TMEM145: variants seen among roughly 807,000 people sequenced by gnomAD.
TMEM145 encodes transmembrane protein 145.
In TMEM145, 46 loss-of-function variants were observed where a neutral mutation model predicts 68.5. The observed-to-expected ratio is 0.67, with a 90% CI of 0.53 to 0.86. TMEM145 has a LOEUF of 0.86. Among genes scored for constraint, TMEM145 ranks in the 40% least tolerant of loss-of-function variants. TMEM145 has a pLI of 0.00. For synonymous variants in TMEM145, 255 were observed against 280.2 expected (o/e 0.91, Z 0.90); for missense variants, 570 against 645.8 (o/e 0.88, Z 1.27).
At position 42,314,837 on chromosome 19, in the gene TMEM145, C is replaced by T. The variant is rs1305641865; in HGVS notation, c.406C>T (p.Arg136Cys). 3.1e-6 allele frequency: 5 copies of T among 1,614,170 alleles called. No homozygotes were observed. The highest frequency in any genetic ancestry group is 1.1e-5 in the South Asian group (1 of 91,086). Residue 136 changes from arginine (R) to cysteine (C), a missense_variant, in exon 5 of 15, where the codon CGC (arginine) becomes TGC (cysteine). Coordinates refer to ENST00000301204, the MANE Select transcript of TMEM145 (RefSeq NM_173633.3). Reference sequence around the variant, plus strand: ...CCGCTACCTGAGCTGCTCCAGTGGCCGCAGCTTCCGCTCAGTGCGTGAACG... The same window carrying T: ...CCGCTACCTGAGCTGCTCCAGTGGCTGCAGCTTCCGCTCAGTGCGTGAACG... ...GTRYLSCSSG[R>C]SFRSGDGLQL...
At position 42,313,533 on chromosome 19, in the gene TMEM145, C is replaced by T; in HGVS notation, c.120+37C>T. The T allele has an allele frequency of 8.0e-7, 1 of 1,251,478 alleles. No homozygotes were observed. The highest frequency in any genetic ancestry group is 1.6e-5 in the African/African-American group (1 of 64,332). 77.5% of individuals were successfully genotyped at this position (1,251,478 alleles called of 1,614,324 possible). A position where few individuals can be genotyped will look rare whatever the true frequency, so the allele number is the denominator to read the frequency against. ...GAGCCCTCCTCTGCGGCCCGCCGGC[C>T]CCCGGGGGACGCAAGGGAGGCGAGG... On this transcript the variant is annotated intron_variant, in intron 1 of 14. Coordinates refer to ENST00000301204, the MANE Select transcript of TMEM145 (RefSeq NM_173633.3). This position sits in a 1 kb window ranked among gnomAD's most constrained non-coding sequence, Gnocchi z 5.1.
intron 11 of TMEM145, 129 bp from the exon 12 acceptor site, chr19:42,317,580 G>A (rs968185061): frequency 2.7e-4 from 205 of 765,252 alleles, no homozygotes; most frequent in Middle Eastern, 2.5e-3. Flanking sequence ...TTCTGTCTCC[G>A]TGCCTGGCTC....
At position 42,323,870 on chromosome 19, in the gene TMEM145, G is replaced by A; in HGVS notation, c.1401+81G>A. 5 of 1,218,220 alleles carry A rather than the reference G, an allele frequency of 4.1e-6. No homozygotes were observed. The South Asian group carries it at 4.2e-5, about 10-fold the overall frequency. The allele number at this position is 1,218,220 out of a possible 1,614,324, so 75.5% of individuals were successfully genotyped here. On this transcript the variant is annotated intron_variant, in intron 14 of 14. Transcript: ENST00000301204. ...TGACCCCGCTCCCGGCCCCGCCGCCGCCCCCAGCGCCCGGACCCCTGAGCC... is the reference window on the plus strand; with the variant it reads ...TGACCCCGCTCCCGGCCCCGCCGCCACCCCCAGCGCCCGGACCCCTGAGCC...
Position 42,324,049 on chromosome 19 carries a change from C to G in TMEM145, c.1401+260C>G, listed in dbSNP as rs368925783. Among the ~76,000 whole-genome samples, 4 of 152,120 alleles carry G rather than the reference C, an allele frequency of 2.6e-5. No homozygotes were observed. The South Asian group carries it at 8.3e-4, about 32-fold the overall frequency. On this transcript the variant is annotated intron_variant, in intron 14 of 14. Transcript: ENST00000301204. ...CCCCCACCGCCCGCCTTCCGCGGCT[C>G]TCCCCCAGCTCCCCGGCCGCCGCCG...
intron 14 of TMEM145, 67 bp downstream of exon 14, chr19:42,323,856 C>T: frequency 1.4e-6 from 2 of 1,429,604 alleles, no homozygotes; most frequent in Middle Eastern, 2.0e-4. Context: ...GACCCCGCTC[C>T]CGGCCCCGCC....
At chr19:42,318,927 C>CA (rs1056061608) in intron 12 of TMEM145, among the ~76,000 whole-genome samples, 2 of 151,606 alleles carry the variant, frequency 1.3e-5, no homozygotes, top group Admixed American at 6.6e-5. Context: ...ACTAAAAATA[C>CA]AAAAAAATTA....
intron 1 of TMEM145, 93 bp from the exon 2 acceptor site, chr19:42,314,179 G>A (rs1004610733): frequency 4.7e-5 from 66 of 1,392,852 alleles, no homozygotes; most frequent in Non-Finnish European, 6.4e-5. Flanking sequence ...GGGAAGCCAG[G>A]TACCTGGGGG....
In TMEM145 at chr19:42,320,400, A is replaced by G; in HGVS notation, c.1157A>G (p.Gln386Arg). 6.2e-7 allele frequency: 1 copy of G among 1,614,136 alleles called. No homozygotes were observed. The highest frequency in any genetic ancestry group is 1.1e-5 in the South Asian group (1 of 91,078). The part of the protein sequence containing the change: ...WAREKIVNGI[Q>R]LGIHLYAHGV... ...CGGGAGAAGATTGTCAATGGCATCC[A>G]GCTGGGGATCCACTTGTACGCCCAT... The change falls in exon 13 of 15, where the codon CAG becomes CGG. Residue 386 changes from glutamine to arginine, a missense_variant. Coordinates refer to ENST00000301204, the MANE Select transcript of TMEM145 (RefSeq NM_173633.3).
chr19:42,324,742 G>C lies in TMEM145; in HGVS notation c.1407G>C (p.Leu469=). 1 of 1,536,950 alleles carries C rather than the reference G, an allele frequency of 6.5e-7. No homozygotes were observed. The highest frequency in any genetic ancestry group is 8.7e-7 in the Non-Finnish European group (1 of 1,154,230). Residue 469 remains leucine, a synonymous_variant, in exon 15 of 15, where the codon CTG becomes CTC. Transcript: ENST00000301204. ...CTCCCCGTCCCCTCCCTCAGCCCCT[G>C]CCCCGAGCGGCGCCGGATTCTGGGC... The part of the protein sequence containing the change: ...FSIPPPATSP[L]PRAAPDSGLP...
Position 42,315,054 on chromosome 19 carries a change from G to T in TMEM145, c.482G>T (p.Arg161Leu). 2 of 1,614,162 alleles carry T rather than the reference G, an allele frequency of 1.2e-6. No individual in the cohort carries two copies. Among genetic ancestry groups the T allele is most frequent in the South Asian group, 1.1e-5 (1 of 91,074 alleles). ...VLTNGKSFWT[R>L]HFSADEFGIL... ...ACCAATGGCAAGTCCTTCTGGACAC[G>T]ACACTTCTCCGCTGATGAGTTTGGT... is the stretch of plus-strand genomic sequence containing the variant. The change falls in exon 6 of 15, where the codon CGA (arginine) becomes CTA (leucine). Residue 161 changes from arginine (R) to leucine (L), a missense_variant. Arg to Leu is a moderately radical substitution (Grantham distance 102, BLOSUM62 -2). Transcript: ENST00000301204.
In TMEM145 at chr19:42,324,926, AC is replaced by A. The variant is rs1283102850; in HGVS notation, c.*112del. The A allele has an allele frequency of 3.9e-6, 5 of 1,292,540 alleles. No individual in the cohort carries two copies. Among genetic ancestry groups the A allele is most frequent in the South Asian group, 4.5e-5 (2 of 44,000 alleles). 80.1% of individuals were successfully genotyped at this position (1,292,540 alleles called of 1,614,324 possible). A position where few individuals can be genotyped will look rare whatever the true frequency, so the allele number is the denominator to read the frequency against. On this transcript the variant is annotated 3_prime_UTR_variant, in exon 15 of 15. Coordinates refer to ENST00000301204, the MANE Select transcript of TMEM145 (RefSeq NM_173633.3). ...TTGCGATGCTGGTCTCGACCCTGAAACCCTCCCTCGGATCTGTGACCTCGGA... is the reference window on the plus strand; with the variant it reads ...TTGCGATGCTGGTCTCGACCCTGAAACCTCCCTCGGATCTGTGACCTCGGA...
chr19:42,322,968 T>C (rs2038925355), intron 13 of TMEM145, among the ~76,000 whole-genome samples: 1 of 152,230 alleles, frequency 6.6e-6, no homozygotes, highest in African/African-American at 2.4e-5. Flanking sequence ...CCCCAAGTGC[T>C]GGGATTACAG....
At position 42,315,471 on chromosome 19, in the gene TMEM145, T is replaced by C. The variant is rs779822426; in HGVS notation, c.646+31T>C. 3 of 1,612,740 alleles carry C rather than the reference T, an allele frequency of 1.9e-6. No individual in the cohort carries two copies. The South Asian group carries it at 3.3e-5, about 18-fold the overall frequency. Reference sequence around the variant, plus strand: ...GTTCCGTGTCCCAACTTTTGGGTTCTGAAAGAGAAGGCACTTGGGGCCAGA... The same window carrying C: ...GTTCCGTGTCCCAACTTTTGGGTTCCGAAAGAGAAGGCACTTGGGGCCAGA... On this transcript the variant is annotated intron_variant, in intron 8 of 14. Coordinates refer to ENST00000301204, the MANE Select transcript of TMEM145 (RefSeq NM_173633.3).
At chr19:42,324,374 C>G in intron 14 of TMEM145, 2 of 985,190 alleles carry the variant, frequency 2.0e-6, no homozygotes, top group Non-Finnish European at 2.4e-6. Flanking sequence ...CTCCCCCCCA[C>G]TTCCCGCTCG....
chr19:42,315,493 C>A, intron 8 of TMEM145, 53 bp downstream of exon 8: 1 of 1,589,324 alleles, frequency 6.3e-7, no homozygotes, highest in Admixed American at 1.7e-5. Flanking sequence ...CACTTGGGGC[C>A]AGACACCTGG....
chr19:42,316,355 CG>C lies in TMEM145; in HGVS notation c.647-122del. The C allele has an allele frequency of 4.5e-6, 4 of 880,142 alleles. No homozygotes were observed. In the Admixed American group the frequency reaches 5.7e-5, roughly 13 times the overall value. 54.5% of individuals were successfully genotyped at this position (880,142 alleles called of 1,614,324 possible). A position where few individuals can be genotyped will look rare whatever the true frequency, so the allele number is the denominator to read the frequency against. ...CTCCAGATTCTCCTAGCAGGTGAGTCGGGGTAGAAGGTCTGGAGTCCTAAGG... is the reference window on the plus strand; with the variant it reads ...CTCCAGATTCTCCTAGCAGGTGAGTCGGGTAGAAGGTCTGGAGTCCTAAGG... On this transcript the variant is annotated intron_variant, in intron 8 of 14. Coordinates refer to ENST00000301204, the MANE Select transcript of TMEM145 (RefSeq NM_173633.3).
chr19:42,316,825 C>CT, intron 10 of TMEM145, 45 bp from the exon 11 acceptor site: 7 of 1,610,910 alleles, frequency 4.3e-6, no homozygotes, highest in Non-Finnish European at 5.9e-6. Context: ...ATCCTCCTCC[C>CT]TGACGGCCCC....
intron 11 of TMEM145, 99 bp from the exon 12 acceptor site, chr19:42,317,610 A>G: frequency 8.6e-7 from 1 of 1,169,258 alleles, no homozygotes; most frequent in Middle Eastern, 2.4e-4. Flanking sequence ...TTGTGTTCTG[A>G]CCGAGTACCT....
chr19:42,315,955 G>C (rs1352654900), intron 8 of TMEM145, among the ~76,000 whole-genome samples: 1 of 152,096 alleles, frequency 6.6e-6, no homozygotes, highest in Non-Finnish European at 1.5e-5. Flanking sequence ...GCTTGAACCC[G>C]GGAGGTGGAG....
Sources: gnomAD v4.1 joint callset for allele counts (sites outside exome capture counted in the v4.1 genomes callset) on GRCh38, gnomAD v4.1.1 for gene constraint, Gnocchi (gnomAD v3.1) non-coding constraint, MANE v1.5 for transcripts, NCBI Gene and HGNC (gene_info 2026-07-23, HGNC 2026-07-21) for gene names.